Variants in PIGN observed in about 807,000 individuals in gnomAD.
PIGN encodes phosphatidylinositol glycan anchor biosynthesis class N.
PIGN carries 117 observed loss-of-function variants against 125.4 expected under a neutral mutation model. The ratio of observed to expected loss-of-function variants is 0.93; its 90% CI spans 0.80 to 1.09. The LOEUF is 1.09. Among genes scored for constraint, PIGN ranks in the 50% least tolerant of loss-of-function variants. The probability of loss-of-function intolerance (pLI) is 0.00; values close to 1 mark genes in which losing one functional copy is unlikely to be tolerated. For synonymous variants in PIGN, 392 were observed against 377.8 expected (o/e 1.04, Z -0.44); for missense variants, 1,075 against 1,094.9 (o/e 0.98, Z 0.26).
chr18:62,182,936 G>C (rs1216152802), intron 1 of PIGN, among the ~76,000 whole-genome samples: 1 of 152,150 alleles, frequency 6.6e-6, no homozygotes, highest in Non-Finnish European at 1.5e-5. Context: ...CAGAGGCTGG[G>C]GTAGTTCCAC....
intron 29 of PIGN, among the ~76,000 whole-genome samples, chr18:62,074,577 T>C (rs946959106): frequency 6.6e-6 from 1 of 152,192 alleles, no homozygotes; most frequent in Non-Finnish European, 1.5e-5. Flanking sequence ...CAAATTCAAG[T>C]AGTAAGACTT....
At chr18:62,151,431 A>G (rs1390352287) in intron 7 of PIGN, among the ~76,000 whole-genome samples, 1 of 152,220 alleles carries the variant, frequency 6.6e-6, no homozygotes, top group African/African-American at 2.4e-5. Flanking sequence ...ACCAAATGGC[A>G]TAGTATGCCT....
rs375338906 is a variant in PIGN at position 62,148,226 on chromosome 18, C to T, written c.662G>A (p.Arg221Gln). 9 of 1,542,644 alleles carry T rather than the reference C, an allele frequency of 5.8e-6. No individual in the cohort carries two copies. Among genetic ancestry groups the T allele is most frequent in the South Asian group, 4.9e-5 (4 of 80,972 alleles). Residue 221 changes from arginine (R) to glutamine (Q), a missense_variant, in exon 8 of 31, where the codon CGA (arginine) becomes CAA (glutamine). By Grantham distance (43) the Arg-to-Gln change is conservative (BLOSUM62 1). Around this residue, in one of 3 missense-constraint regions of PIGN, gnomAD observed 915 missense variants for 908.7 expected, o/e 1.01. Transcript: ENST00000640252. ...AATATTAAATTACCTCGAGGATGGT[C>T]GATGAGCATGTCCGTTTGTATCTAT... ...LGIDTNGHAHRPSSRDYKHNI... is the reference protein window; with the variant it reads ...LGIDTNGHAHQPSSRDYKHNI...
chr18:62,157,188 T>C lies in PIGN; in HGVS notation c.383A>G (p.Asn128Ser). ...CCAGCTCCATGTGTATTTACTTTCA[T>C]TAAAAAGAGAATCAAACTCTACAGG... ...ENPVEFDSLF[N>S]ESKYTWSWGS... Residue 128 changes from asparagine to serine, a missense_variant, in exon 6 of 31, where the codon AAT becomes AGT. By Grantham distance (46) the Asn-to-Ser change is conservative. Coordinates refer to ENST00000640252, the MANE Select transcript of PIGN (RefSeq NM_176787.5). The C allele has an allele frequency of 6.2e-7, 1 of 1,609,588 alleles. No homozygotes were observed. Among genetic ancestry groups the C allele is most frequent in the Non-Finnish European group, 8.5e-7 (1 of 1,177,212 alleles).
chr18:62,026,000 C>T (rs1240557906), intron 23 of PIGN, among the ~76,000 whole-genome samples: 1 of 152,194 alleles, frequency 6.6e-6, no homozygotes, highest in Non-Finnish European at 1.5e-5. Flanking sequence ...GCTGTGAAAT[C>T]TACCCAATCC....
intron 4 of PIGN, among the ~76,000 whole-genome samples, chr18:62,159,444 T>C (rs1444140623): frequency 6.6e-6 from 1 of 152,192 alleles, no homozygotes; most frequent in African/African-American, 2.4e-5. Context: ...ATTTTTATCC[T>C]CTTAATTTTG....
At chr18:62,019,966 G>A (rs1355456719) in intron 23 of PIGN, among the ~76,000 whole-genome samples, 1 of 152,242 alleles carries the variant, frequency 6.6e-6, no homozygotes, top group Non-Finnish European at 1.5e-5. Flanking sequence ...TGGAACTCTG[G>A]ATTATGGAGA....
At chr18:62,049,727 G>T (rs1456926122) in intron 30 of PIGN, among the ~76,000 whole-genome samples, 17 of 151,358 alleles carry the variant, frequency 1.1e-4, no homozygotes, top group African/African-American at 2.2e-4. Flanking sequence ...GTCAATTTTG[G>T]CTTTTGTTGC....
chr18:62,109,548 C>T (rs1005686141), intron 17 of PIGN, among the ~76,000 whole-genome samples: 3 of 152,082 alleles, frequency 2.0e-5, no homozygotes, highest in Non-Finnish European at 2.9e-5. Flanking sequence ...CAATATTAAT[C>T]GTTACTTTTA....
chr18:62,071,525 A>G (rs1435447382), intron 30 of PIGN, among the ~76,000 whole-genome samples: 2 of 151,440 alleles, frequency 1.3e-5, no homozygotes, highest in Non-Finnish European at 2.9e-5. Context: ...CTAAGTTTTA[A>G]TTTTTTTTTA....
chr18:62,162,025 T>C (rs888059225), intron 3 of PIGN, among the ~76,000 whole-genome samples: 13 of 152,292 alleles, frequency 8.5e-5, no homozygotes, highest in South Asian at 2.1e-4. Context: ...TTTGTACTTA[T>C]TAAAGAAACA....
chr18:62,071,752 A>G (rs1196120033), intron 30 of PIGN, among the ~76,000 whole-genome samples: 1 of 151,574 alleles, frequency 6.6e-6, no homozygotes, highest in African/African-American at 2.4e-5. Context: ...AGTCTGGCAC[A>G]CACAATTATG....
intron 7 of PIGN, among the ~76,000 whole-genome samples, chr18:62,151,946 A>C (rs1002130062): frequency 6.6e-6 from 1 of 152,222 alleles, no homozygotes; most frequent in Non-Finnish European, 1.5e-5. Context: ...GCCAAATATG[A>C]GTGGCCATGG....
At chr18:62,173,224 A>G (rs2037400148) in intron 1 of PIGN, among the ~76,000 whole-genome samples, 1 of 152,184 alleles carries the variant, frequency 6.6e-6, no homozygotes, top group South Asian at 2.1e-4. Context: ...TACGGTCTAC[A>G]AAATTTTAAA....
Position 62,156,504 on chromosome 18 carries a change from G to GT in PIGN, c.442+624dup, listed in dbSNP as rs562430510. ...TGCCACCACACTCAGCTAATTTTTT[G>GT]TTTGTTGTAGAGATGTGGGTCTCAC... On this transcript the variant is annotated intron_variant, in intron 6 of 30. Transcript: ENST00000640252. 1.5e-3 allele frequency among the ~76,000 whole-genome samples: 234 copies of GT among 151,992 alleles called. 1 individual carries two copies. Among genetic ancestry groups the GT allele is most frequent in the African/African-American group, 5.3e-3 (218 of 41,466 alleles).
At chr18:62,087,968 T>C (rs915057652) in intron 25 of PIGN, among the ~76,000 whole-genome samples, 4 of 152,174 alleles carry the variant, frequency 2.6e-5, no homozygotes, top group African/African-American at 9.7e-5. Context: ...GTCAGTAATA[T>C]TGTATTGTAT....
At chr18:62,175,095 T>G (rs1016947915) in intron 1 of PIGN, among the ~76,000 whole-genome samples, 2 of 144,968 alleles carry the variant, frequency 1.4e-5, no homozygotes, top group Non-Finnish European at 3.0e-5. Flanking sequence ...ATCTAATATA[T>G]ATAATGTTTA....
intron 23 of PIGN, among the ~76,000 whole-genome samples, chr18:62,027,459 T>C (rs2144878339): frequency 6.6e-6 from 1 of 152,252 alleles, no homozygotes; most frequent in East Asian, 1.9e-4. Context: ...AATCAAGATA[T>C]GTAAGATGAA....
At chr18:62,182,795 C>T (rs758323599) in intron 1 of PIGN, among the ~76,000 whole-genome samples, 4 of 152,054 alleles carry the variant, frequency 2.6e-5, no homozygotes, top group South Asian at 2.1e-4. Context: ...TGCAACAACA[C>T]GGATGTTCCT....
Sources: gnomAD v4.1 joint callset for allele counts (sites outside exome capture counted in the v4.1 genomes callset) on GRCh38, gnomAD v4.1.1 for gene constraint, gnomAD v4.1.1 regional missense constraint, MANE v1.5 for transcripts, NCBI Gene and HGNC (gene_info 2026-07-23, HGNC 2026-07-21) for gene names.